Variants in RBMS3 observed in about 807,000 individuals in gnomAD.
RBMS3 encodes the protein RNA binding motif single stranded interacting protein 3, also known as RNA-binding motif, single-stranded-interacting protein 3.
RBMS3 carries 27 observed loss-of-function variants against 66.8 expected under a neutral mutation model. The ratio of observed to expected loss-of-function variants is 0.40; its 90% CI spans 0.30 to 0.56. RBMS3 has a LOEUF of 0.56. RBMS3 is among the 20% of genes least tolerant of loss of function. The pLI, the probability that RBMS3 is intolerant of heterozygous loss-of-function variation, is 0.40. For synonymous variants in RBMS3, 188 were observed against 183.0 expected (o/e 1.03, Z -0.22); for missense variants, 513 against 549.5 (o/e 0.93, Z 0.66).
chr3:29,425,118 C>T (rs748064411), intron 1 of RBMS3, among the ~76,000 whole-genome samples: 3 of 146,676 alleles, frequency 2.0e-5, no homozygotes, highest in East Asian at 2.0e-4. Context: ...CCGAGGTGGG[C>T]GGATCACAAG....
At chr3:29,807,405 C>T (rs4402896) in intron 6 of RBMS3, among the ~76,000 whole-genome samples, 81,294 of 151,620 alleles carry the variant, frequency 0.54, 22,447 homozygotes, top group African/African-American at 0.62. Context: ...TATTGGAAGA[C>T]GATTTTGCAC....
chr3:29,299,815 C>G (rs1311423279), intron 1 of RBMS3, among the ~76,000 whole-genome samples: 1 of 151,620 alleles, frequency 6.6e-6, no homozygotes, highest in African/African-American at 2.4e-5. Flanking sequence ...GAATCAATCC[C>G]CCACAGATAA....
At chr3:29,442,671 C>T (rs779442467) in intron 2 of RBMS3, among the ~76,000 whole-genome samples, 45 of 152,062 alleles carry the variant, frequency 3.0e-4, no homozygotes, top group Middle Eastern at 6.8e-3. Context: ...GTTTTAAGGG[C>T]GGGACTCTGG....
At chr3:29,860,951 C>A (rs903548607) in intron 6 of RBMS3, among the ~76,000 whole-genome samples, 2 of 152,174 alleles carry the variant, frequency 1.3e-5, no homozygotes, top group Non-Finnish European at 2.9e-5. Context: ...GTGAGCTCCG[C>A]CTCCCCGGTT....
At chr3:29,587,522 C>T (rs540307929) in intron 4 of RBMS3, among the ~76,000 whole-genome samples, 28 of 151,346 alleles carry the variant, frequency 1.9e-4, no homozygotes, top group Non-Finnish European at 3.2e-4. Context: ...TAAGGACACT[C>T]GTGAAGTGCT....
At chr3:29,569,736 A>T (rs1057174405) in intron 3 of RBMS3, among the ~76,000 whole-genome samples, 7 of 152,162 alleles carry the variant, frequency 4.6e-5, no homozygotes, top group African/African-American at 1.7e-4. Context: ...GAAACAAAAA[A>T]CTTAGGAAAA....
chr3:29,739,512 G>A (rs1364784463), intron 4 of RBMS3, among the ~76,000 whole-genome samples: 3 of 151,698 alleles, frequency 2.0e-5, no homozygotes, highest in African/African-American at 7.3e-5. Flanking sequence ...AATGATGGAT[G>A]GAGAGCTTGG....
At chr3:29,962,551 C>T (rs1396445395) in intron 12 of RBMS3, among the ~76,000 whole-genome samples, 3 of 135,208 alleles carry the variant, frequency 2.2e-5, no homozygotes, top group Admixed American at 7.6e-5. Flanking sequence ...GGTCAAGACT[C>T]ATATATATAT....
At chr3:29,979,298 T>C (rs576959052) in intron 12 of RBMS3, among the ~76,000 whole-genome samples, 7 of 152,204 alleles carry the variant, frequency 4.6e-5, no homozygotes, top group Non-Finnish European at 8.8e-5. Flanking sequence ...TGATTGTGAA[T>C]TGCATGACAG....
rs868523665 is a variant in RBMS3, at chr3:29,975,066, A to G, written c.1099-13077A>G. ...TATTTTATATATAAAATATGTTTCT[A>G]TATATATTTTATATATAAAATACAT... On this transcript the variant is annotated intron_variant, in intron 12 of 14. Transcript: ENST00000383767. 1.5e-4 allele frequency among the ~76,000 whole-genome samples: 16 copies of G among 105,056 alleles called. 1 individual carries two copies. The highest frequency in any genetic ancestry group is 8.6e-4 in the African/African-American group (14 of 16,302). The allele number at this position is 105,056 out of a possible 152,430, so 68.9% of individuals were successfully genotyped here.
At chr3:29,605,995 G>A (rs2048309586) in intron 4 of RBMS3, among the ~76,000 whole-genome samples, 1 of 148,704 alleles carries the variant, frequency 6.7e-6, no homozygotes, top group African/African-American at 2.5e-5. Context: ...TAACTCCTTG[G>A]AAGTGTATAT....
intron 6 of RBMS3, among the ~76,000 whole-genome samples, chr3:29,786,274 TA>T (rs2056815343): frequency 6.6e-6 from 1 of 152,010 alleles, no homozygotes; most frequent in Admixed American, 6.6e-5. Flanking sequence ...AAAGGCCATG[TA>T]AAAATTCAGT....
At chr3:29,429,954 TTTA>T (rs1559354232) in intron 1 of RBMS3, among the ~76,000 whole-genome samples, 31 of 151,916 alleles carry the variant, frequency 2.0e-4, no homozygotes, top group African/African-American at 7.5e-4. Flanking sequence ...TATTTATTTA[TTTA>T]TTTATTTTTT....
chr3:29,756,199 C>T (rs1238759662), intron 5 of RBMS3, among the ~76,000 whole-genome samples: 1 of 152,036 alleles, frequency 6.6e-6, no homozygotes, highest in Non-Finnish European at 1.5e-5. Context: ...TTCTCTAATT[C>T]TCTGACATCA....
chr3:29,578,870 C>T lies in RBMS3; in HGVS notation c.308-8244C>T, dbSNP rs530824907. Among the ~76,000 whole-genome samples the T allele has an allele frequency of 1.0e-3, 133 of 127,490 alleles. 4 individuals are homozygous for T. Among genetic ancestry groups the T allele is most frequent in the African/African-American group, 4.2e-3 (132 of 31,214 alleles). 83.6% of individuals were successfully genotyped at this position (127,490 alleles called of 152,430 possible). The stretch of plus-strand genomic sequence containing the variant: ...ACTGCGGACTGCAGTGGCGCAATCT[C>T]GGCTCACTGCAAGCTCCGCTTCCCG... On this transcript the variant is annotated intron_variant, in intron 3 of 14. Coordinates refer to ENST00000383767, the MANE Select transcript of RBMS3 (RefSeq NM_001003793.3).
intron 4 of RBMS3, among the ~76,000 whole-genome samples, chr3:29,709,095 TC>T (rs2053040608): frequency 6.6e-6 from 1 of 152,202 alleles, no homozygotes; most frequent in Non-Finnish European, 1.5e-5. Context: ...CTTCGTTCAC[TC>T]CTGCTTCCTT....
chr3:29,617,551 G>A (rs2048712706), intron 4 of RBMS3, among the ~76,000 whole-genome samples: 1 of 152,126 alleles, frequency 6.6e-6, no homozygotes. Context: ...CTTAGTATTA[G>A]CTCCAATCTT....
At chr3:29,875,456 G>A (rs958628633) in intron 7 of RBMS3, among the ~76,000 whole-genome samples, 6 of 151,684 alleles carry the variant, frequency 4.0e-5, no homozygotes, top group Admixed American at 3.3e-4. Flanking sequence ...GATTAAAGAT[G>A]AAATATTACT....
chr3:29,779,748 A>G (rs991388836), intron 6 of RBMS3, among the ~76,000 whole-genome samples: 12 of 106,788 alleles, frequency 1.1e-4, no homozygotes, highest in African/African-American at 2.4e-4. Context: ...TTTTAATAAC[A>G]TAGTAGAAGA....
Sources: allele counts gnomAD v4.1 joint callset (sites outside exome capture counted in the v4.1 genomes callset), GRCh38; gene constraint gnomAD v4.1.1; transcripts MANE v1.5; gene names NCBI Gene and HGNC (gene_info 2026-07-23, HGNC 2026-07-21).